COL24A1: variants seen among roughly 807,000 people sequenced by gnomAD.
The protein encoded by COL24A1 is collagen alpha-1(XXIV) chain.
A neutral mutation model predicts 253.9 loss-of-function variants in COL24A1; 224 were observed. That is an observed-to-expected ratio of 0.88 (90% CI 0.79 to 0.99). COL24A1 has a LOEUF of 0.99. Among genes scored for constraint, COL24A1 ranks in the 50% least tolerant of loss-of-function variants. COL24A1 has a pLI of 0.00. For missense variants in COL24A1, 2,131 were observed against 2,068.5 expected, an observed-to-expected ratio of 1.03 and a Z score of -0.59; for synonymous variants, 685 against 673.7, an observed-to-expected ratio of 1.02 and a Z score of -0.26.
intron 19 of COL24A1, among the ~76,000 whole-genome samples, chr1:85,997,039 A>ATG (rs1491173763): frequency 5.4e-4 from 26 of 48,458 alleles, no homozygotes; most frequent in Middle Eastern, 0.017. Flanking sequence ...ATATATATAT[A>ATG]TATGTGTGTG....
chr1:85,934,857 C>T (rs1211938542), intron 24 of COL24A1, among the ~76,000 whole-genome samples: 4 of 151,932 alleles, frequency 2.6e-5, no homozygotes, highest in Non-Finnish European at 5.9e-5. Flanking sequence ...AAACACAAAA[C>T]AGTCACTGAG....
chr1:85,756,126 C>A (rs1666233456), intron 55 of COL24A1, among the ~76,000 whole-genome samples: 1 of 145,878 alleles, frequency 6.9e-6, no homozygotes, highest in Non-Finnish European at 1.5e-5. Flanking sequence ...ATAGACATTT[C>A]TCTAAAGAAG....
At chr1:86,050,044 A>G (rs2101674581) in intron 11 of COL24A1, 80 bp downstream of exon 11, 1 of 1,214,816 alleles carries the variant, frequency 8.2e-7, no homozygotes, top group African/African-American at 1.5e-5. Context: ...TACTTCCCTG[A>G]CATCTGATTT....
intron 19 of COL24A1, among the ~76,000 whole-genome samples, chr1:86,010,315 A>G (rs1275135492): frequency 1.3e-5 from 2 of 152,204 alleles, no homozygotes; most frequent in Non-Finnish European, 2.9e-5. Context: ...AATAGTTATC[A>G]AAGGTAAAGG....
chr1:86,041,641 T>A (rs1025106006), intron 12 of COL24A1, among the ~76,000 whole-genome samples: 2 of 152,074 alleles, frequency 1.3e-5, no homozygotes, highest in Non-Finnish European at 2.9e-5. Context: ...ACAAATCCCC[T>A]CTCCCTGCCT....
intron 47 of COL24A1, among the ~76,000 whole-genome samples, chr1:85,798,078 TC>T (rs1273969197): frequency 6.6e-6 from 1 of 151,918 alleles, no homozygotes. Flanking sequence ...ATGCCTGTAG[TC>T]CCAGTTACTT....
intron 19 of COL24A1, among the ~76,000 whole-genome samples, chr1:86,001,169 A>T (rs934396278): frequency 6.6e-6 from 1 of 152,258 alleles, no homozygotes; most frequent in Non-Finnish European, 1.5e-5. Flanking sequence ...TGCAAGTATC[A>T]TCACTGTCAC....
At chr1:85,736,338 A>G (rs570289791) in intron 58 of COL24A1, 3 of 456,186 alleles carry the variant, frequency 6.6e-6, no homozygotes, top group Non-Finnish European at 1.3e-5. Flanking sequence ...GGAAACAACT[A>G]GAGTCCGCTT....
chr1:85,741,643 A>C (rs1221597585), intron 57 of COL24A1, among the ~76,000 whole-genome samples: 1 of 152,170 alleles, frequency 6.6e-6, no homozygotes, highest in Non-Finnish European at 1.5e-5. Context: ...TGGGGGCAAA[A>C]GTAGCTCCAA....
At chr1:86,035,749 C>G (rs1316102199) in intron 12 of COL24A1, among the ~76,000 whole-genome samples, 1 of 152,052 alleles carries the variant, frequency 6.6e-6, no homozygotes, top group East Asian at 1.9e-4. Context: ...TAAAGTTGTT[C>G]TTAAAAAACA....
Position 85,997,037 on chromosome 1 carries a change from A to ATGTGTG in COL24A1, c.2311-9384_2311-9383insCACACA, listed in dbSNP as rs1215662939. Among the ~76,000 whole-genome samples, 9 of 61,610 alleles carry ATGTGTG rather than the reference A, an allele frequency of 1.5e-4. No homozygotes were observed. In the East Asian group the frequency reaches 2.9e-3, roughly 20 times the overall value. 40.4% of individuals were successfully genotyped at this position (61,610 alleles called of 152,430 possible). On this transcript the variant is annotated intron_variant, in intron 19 of 59. Coordinates refer to ENST00000370571, the MANE Select transcript of COL24A1 (RefSeq NM_152890.7). ...TATATATGTGTGTGTGTATATATAT[A>ATGTGTG]TATATGTGTGTGTGTGTGTATATAT...
intron 7 of COL24A1, among the ~76,000 whole-genome samples, chr1:86,079,457 T>C (rs1369804819): frequency 1.3e-5 from 2 of 151,982 alleles, no homozygotes; most frequent in African/African-American, 4.8e-5. Flanking sequence ...ACAAATGGGA[T>C]TGCATCAAGT....
intron 43 of COL24A1, among the ~76,000 whole-genome samples, chr1:85,829,292 GCT>G (rs927933677): frequency 6.6e-6 from 1 of 151,994 alleles, no homozygotes; most frequent in Non-Finnish European, 1.5e-5. Flanking sequence ...CAAGAGATCT[GCT>G]CTTAGTCTGA....
At chr1:86,089,058 A>G in intron 7 of COL24A1, 116 bp downstream of exon 7, 2 of 697,170 alleles carry the variant, frequency 2.9e-6, no homozygotes, top group Non-Finnish European at 4.5e-6. Flanking sequence ...TAGTCACTGA[A>G]GACCTCCAAG....
chr1:86,094,625 AT>A (rs977854708), intron 5 of COL24A1, among the ~76,000 whole-genome samples: 37 of 148,408 alleles, frequency 2.5e-4, no homozygotes, highest in South Asian at 8.5e-4. Context: ...TGAACTTCAA[AT>A]TTTTTTTTTT....
In COL24A1 at chr1:85,781,169, A is replaced by G. The variant is rs1161417066; in HGVS notation, c.4338+51T>C. On this transcript the variant is annotated intron_variant, in intron 52 of 59. Coordinates refer to ENST00000370571, the MANE Select transcript of COL24A1 (RefSeq NM_152890.7). ...ATTCTTTGTAGAATATTCTAGAAAT[A>G]GAATTAAAGAAAAAAAAGAGTACAA... The G allele has an allele frequency of 6.9e-6, 9 of 1,312,988 alleles. No homozygotes were observed. In the South Asian group the frequency reaches 1.2e-4, roughly 17 times the overall value. 81.3% of individuals were successfully genotyped at this position (1,312,988 alleles called of 1,614,324 possible). A position where few individuals can be genotyped will look rare whatever the true frequency, so the allele number is the denominator to read the frequency against.
intron 5 of COL24A1, among the ~76,000 whole-genome samples, chr1:86,097,274 C>G (rs1174021136): frequency 6.6e-6 from 1 of 152,126 alleles, no homozygotes; most frequent in Non-Finnish European, 1.5e-5. Context: ...CTTGGACCTA[C>G]TCTACACAGA....
chr1:85,913,898 T>G (rs1259413975), intron 24 of COL24A1, among the ~76,000 whole-genome samples: 1 of 152,156 alleles, frequency 6.6e-6, no homozygotes, highest in Non-Finnish European at 1.5e-5. Flanking sequence ...ACAAAAATAT[T>G]GTAGGCTGGG....
chr1:85,790,556 TG>T (rs1302887375), intron 47 of COL24A1, among the ~76,000 whole-genome samples: 1 of 152,162 alleles, frequency 6.6e-6, no homozygotes, highest in African/African-American at 2.4e-5. Flanking sequence ...AGATCTTATA[TG>T]GCACTTCCAT....
Sources: gnomAD v4.1 joint callset for allele counts (sites outside exome capture counted in the v4.1 genomes callset) on GRCh38, gnomAD v4.1.1 for gene constraint, MANE v1.5 for transcripts, NCBI Gene and HGNC (gene_info 2026-07-23, HGNC 2026-07-21) for gene names.